Variants in PSMA1 observed in about 807,000 individuals in gnomAD.
The protein encoded by PSMA1 is proteasome subunit alpha type-1.
Under a neutral mutation model 38.4 loss-of-function variants are expected in PSMA1, and 3 were observed. The observed-to-expected ratio is 0.08, with a 90% confidence interval of 0.04 to 0.20. PSMA1 has a LOEUF of 0.20. PSMA1 is among the 10% of genes least tolerant of loss of function. The pLI, the probability that PSMA1 is intolerant of heterozygous loss-of-function variation, is 1.00. For missense variants in PSMA1, 227 were observed against 325.3 expected (o/e 0.70, Z 2.32); for synonymous variants, 101 against 107.1 (o/e 0.94, Z 0.35).
At chr11:14,569,068 G>A (rs1174402747) in intron 2 of PSMA1, among the ~76,000 whole-genome samples, 1 of 152,212 alleles carries the variant, frequency 6.6e-6, no homozygotes, top group East Asian at 1.9e-4. Context: ...TTATCTGGGC[G>A]ATTAACATTT....
intron 1 of PSMA1, among the ~76,000 whole-genome samples, chr11:14,638,585 A>ATTTT (rs1162549899): frequency 1.2e-4 from 1 of 8,096 alleles, no homozygotes; most frequent in African/African-American, 5.6e-4. Context: ...ATATATATAT[A>ATTTT]TTTTTTTTTT....
At chr11:14,549,447 A>T (rs908175251) in intron 2 of PSMA1, among the ~76,000 whole-genome samples, 1 of 151,946 alleles carries the variant, frequency 6.6e-6, no homozygotes, top group Non-Finnish European at 1.5e-5. Flanking sequence ...CATGCCTGTA[A>T]TCCCAGCACT....
At chr11:14,597,395 G>A (rs1442680516) in intron 2 of PSMA1, among the ~76,000 whole-genome samples, 1 of 152,088 alleles carries the variant, frequency 6.6e-6, no homozygotes, top group Non-Finnish European at 1.5e-5. Context: ...TGGTTGGTAG[G>A]CTATTAATTA....
At chr11:14,538,826 C>T (rs1851739758) in intron 2 of PSMA1, among the ~76,000 whole-genome samples, 8 of 152,212 alleles carry the variant, frequency 5.3e-5, no homozygotes, top group Admixed American at 5.2e-4. Context: ...CTTTCCAGAG[C>T]ATTTGTATAC....
intron 4 of PSMA1, among the ~76,000 whole-genome samples, chr11:14,517,369 A>G (rs893513583): frequency 3.0e-4 from 46 of 152,372 alleles, no homozygotes; most frequent in Admixed American, 1.3e-4. Flanking sequence ...CTTCTTAGAC[A>G]TAACAGGGTC....
chr11:14,584,494 TTTTTTGTTTTTTG>T (rs1186939789), intron 2 of PSMA1, among the ~76,000 whole-genome samples: 5 of 147,142 alleles, frequency 3.4e-5, no homozygotes, highest in Admixed American at 1.3e-4. Flanking sequence ...TTGGAGTGTT[TTTTTTGTTTTTTG>T]TTTTTTTTTT....
Position 14,520,293 on chromosome 11 carries a change from G to A in PSMA1, c.3+4C>T. 2 of 1,614,120 alleles carry A rather than the reference G, an allele frequency of 1.2e-6. No individual in the cohort carries two copies. The highest frequency in any genetic ancestry group is 2.2e-5 in the East Asian group (1 of 44,888). On this transcript the variant is annotated splice_donor_region_variant and intron_variant, in intron 1 of 9. Transcript: ENST00000396394. ...AACCTTCCAGAGATCGGGATTCAAC[G>A]TACCATGGTGGCGGCGCGGGCCTGG...
Position 14,510,949 on chromosome 11 carries a change from T to C in PSMA1, c.547A>G (p.Asn183Asp). Residue 183 changes from asparagine to aspartate, a missense_variant and splice_region_variant, in exon 8 of 10, where the codon AAT becomes GAT. By Grantham distance (23) the Asn-to-Asp change is conservative. Coordinates refer to ENST00000396394, the MANE Select transcript of PSMA1 (RefSeq NM_002786.4). ...ERHMSEFMEC[N>D]LNELVKHGLR... ...CCATGTTTAACTAGTTCATTTAAAT[T>C]ACCTATATGTAATAAATTAACAATT... The C allele has an allele frequency of 6.4e-7, 1 of 1,558,302 alleles. No individual in the cohort carries two copies. The highest frequency in any genetic ancestry group is 1.2e-5 in the South Asian group (1 of 84,870).
In PSMA1 at chr11:14,589,768, C is replaced by T. The variant is rs1852389985; in HGVS notation, c.21+21198G>A. On this transcript the variant is annotated intron_variant, in intron 2 of 10. Transcript: ENST00000418988. ...AGTACATAAAGTAGAAATCTTGAGG[C>T]ATTCCTGGGCCTGGGGTTAATCAGA... is the stretch of plus-strand genomic sequence containing the variant. Among the ~76,000 whole-genome samples, 3 of 152,040 alleles carry T rather than the reference C, an allele frequency of 2.0e-5. No individual in the cohort carries two copies. The South Asian group carries it at 6.2e-4, about 32-fold the overall frequency.
At chr11:14,541,519 T>C (rs965973859) in intron 2 of PSMA1, among the ~76,000 whole-genome samples, 5 of 152,246 alleles carry the variant, frequency 3.3e-5, no homozygotes, top group African/African-American at 1.2e-4. Flanking sequence ...TCAGCTTTCT[T>C]GTCCTCTCAC....
At chr11:14,633,215 G>A (rs1329272028) in intron 1 of PSMA1, among the ~76,000 whole-genome samples, 1 of 151,554 alleles carries the variant, frequency 6.6e-6, no homozygotes, top group Non-Finnish European at 1.5e-5. Flanking sequence ...GAGGCGCTCT[G>A]CTTTTTAGAG....
chr11:14,535,295 AAGAG>A (rs1346187943), intron 2 of PSMA1, among the ~76,000 whole-genome samples: 1 of 152,100 alleles, frequency 6.6e-6, no homozygotes, highest in Non-Finnish European at 1.5e-5. Flanking sequence ...GTGTGACTAA[AAGAG>A]AGGCCTGTAC....
chr11:14,639,849 T>A (rs1478770999), intron 1 of PSMA1, among the ~76,000 whole-genome samples: 1 of 152,170 alleles, frequency 6.6e-6, no homozygotes, highest in Non-Finnish European at 1.5e-5. Flanking sequence ...TTTCTCTGAG[T>A]CCTCCAGAGC....
chr11:14,539,122 A>G (rs187897073), intron 2 of PSMA1, among the ~76,000 whole-genome samples: 256 of 152,340 alleles, frequency 1.7e-3, no homozygotes, highest in Non-Finnish European at 3.0e-3. Context: ...GGTAATACAC[A>G]GGCAAACTAC....
intron 8 of PSMA1, among the ~76,000 whole-genome samples, chr11:14,508,215 T>C (rs1428533621): frequency 1.3e-5 from 2 of 152,150 alleles, no homozygotes; most frequent in African/African-American, 4.8e-5. Context: ...TAGACACTTC[T>C]AACATTCTCC....
intron 2 of PSMA1, among the ~76,000 whole-genome samples, chr11:14,569,391 T>C (rs1211048887): frequency 6.6e-6 from 1 of 152,086 alleles, no homozygotes; most frequent in Non-Finnish European, 1.5e-5. Flanking sequence ...CCACAGAGCA[T>C]GAGGTGAAGC....
At chr11:14,576,822 C>T (rs1476877250) in intron 2 of PSMA1, among the ~76,000 whole-genome samples, 1 of 152,164 alleles carries the variant, frequency 6.6e-6, no homozygotes, top group African/African-American at 2.4e-5. Context: ...TGAAGAAAGT[C>T]ATTGGTAGCT....
At position 14,504,953 on chromosome 11, in the gene PSMA1, T is replaced by A. The variant is rs1851220595; in HGVS notation, c.*239A>T. The A allele has an allele frequency of 2.1e-6, 1 of 466,500 alleles. No individual in the cohort carries two copies. Among genetic ancestry groups the A allele is most frequent in the South Asian group, 3.5e-5 (1 of 28,662 alleles). The allele number at this position is 466,500 out of a possible 1,614,324, so 28.9% of individuals were successfully genotyped here. ...CACCTATGTTCTTCATATAAAAACA[T>A]TAGTATAGATACCCATACTTTCTAG... On this transcript the variant is annotated 3_prime_UTR_variant, in exon 10 of 10. Transcript: ENST00000396394.
At chr11:14,547,238 T>C (rs1165919421) in intron 2 of PSMA1, among the ~76,000 whole-genome samples, 2 of 152,206 alleles carry the variant, frequency 1.3e-5, no homozygotes, top group Non-Finnish European at 2.9e-5. Context: ...ATGGTGCAGC[T>C]TGTTAGAGTA....
Sources: allele counts gnomAD v4.1 joint callset (sites outside exome capture counted in the v4.1 genomes callset), GRCh38; gene constraint gnomAD v4.1.1; transcripts MANE v1.5; gene names NCBI Gene and HGNC (gene_info 2026-07-23, HGNC 2026-07-21).